Variants in TIAM2 observed in about 807,000 individuals in gnomAD.
TIAM2 encodes rho guanine nucleotide exchange factor TIAM2.
TIAM2 carries 80 observed loss-of-function variants against 152.9 expected under a neutral mutation model. The ratio of observed to expected loss-of-function variants is 0.52; its 90% CI spans 0.44 to 0.63. The LOEUF is 0.63. Among genes scored for constraint, TIAM2 ranks in the 30% least tolerant of loss-of-function variants. The pLI is 0.00. For synonymous variants in TIAM2, 804 were observed against 838.0 expected, an observed-to-expected ratio of 0.96 and a Z score of 0.70; for missense variants, 1,965 against 2,120.1, an observed-to-expected ratio of 0.93 and a Z score of 1.44.
intron 26 of TIAM2, chr6:155,254,782 T>G: frequency 1.8e-6 from 1 of 560,398 alleles, no homozygotes. Flanking sequence ...CTTGTCTTCC[T>G]ACCCGCTGAC....
chr6:155,132,145 T>A (rs1200194924), intron 4 of TIAM2, among the ~76,000 whole-genome samples: 1 of 150,558 alleles, frequency 6.6e-6, no homozygotes, highest in African/African-American at 2.5e-5. Flanking sequence ...TTATTTGTTT[T>A]TATTTTTGAT....
At chr6:155,231,945 G>A (rs1408044924) in intron 15 of TIAM2, among the ~76,000 whole-genome samples, 1 of 152,182 alleles carries the variant, frequency 6.6e-6, no homozygotes, top group Non-Finnish European at 1.5e-5. Context: ...GCCAGGCTTG[G>A]TGGCACGCAC....
intron 1 of TIAM2, among the ~76,000 whole-genome samples, chr6:155,048,566 AG>A (rs1450307681): frequency 4.3e-5 from 2 of 46,512 alleles, no homozygotes; most frequent in Non-Finnish European, 7.3e-5. Context: ...AATGGGGGTC[AG>A]GGGTGTCCTG....
rs972383885 is a variant in TIAM2, at chr6:155,165,380, G to C, written c.2332G>C (p.Gly778Arg). The C allele has an allele frequency of 1.9e-6, 3 of 1,613,840 alleles. No individual in the cohort carries two copies. The East Asian group carries it at 6.7e-5, about 36-fold the overall frequency. Residue 778 changes from glycine (G) to arginine (R), a missense_variant, in exon 9 of 27, where the codon GGC (glycine) becomes CGC (arginine). By Grantham distance (125) the Gly-to-Arg change is moderately radical. Transcript: ENST00000682666. ...AGGGCTGGACACACTGGCCAGAAAA[G>C]GCAAGGAGAAGAGACCTTCTATAAC... ...LKGLDTLARKGKEKRPSITQV... is the reference protein window; with the variant it reads ...LKGLDTLARKRKEKRPSITQV...
intron 1 of TIAM2, among the ~76,000 whole-genome samples, chr6:155,076,160 A>G (rs1393652656): frequency 6.6e-6 from 1 of 152,096 alleles, no homozygotes; most frequent in Non-Finnish European, 1.5e-5. Flanking sequence ...ATCCTTCATA[A>G]TAATTGGGTT....
At chr6:155,083,363 A>G (rs1456925253) in intron 1 of TIAM2, among the ~76,000 whole-genome samples, 1 of 150,764 alleles carries the variant, frequency 6.6e-6, no homozygotes, top group African/African-American at 2.4e-5. Context: ...AAAAAAAAAA[A>G]AAAAAGAGAG....
intron 1 of TIAM2, among the ~76,000 whole-genome samples, chr6:155,069,731 T>C (rs1346927116): frequency 6.6e-6 from 1 of 152,130 alleles, no homozygotes; most frequent in Non-Finnish European, 1.5e-5. Flanking sequence ...ATTCAGATGA[T>C]TTGCTTTGTC....
At chr6:155,242,968 C>T (rs949010313) in intron 16 of TIAM2, among the ~76,000 whole-genome samples, 3 of 151,424 alleles carry the variant, frequency 2.0e-5, no homozygotes, top group Non-Finnish European at 2.9e-5. Context: ...GTCTTGAACT[C>T]CTGACCTCAG....
At chr6:155,168,563 G>T (rs969818448) in intron 9 of TIAM2, among the ~76,000 whole-genome samples, 6 of 151,888 alleles carry the variant, frequency 4.0e-5, no homozygotes, top group Non-Finnish European at 7.4e-5. Context: ...CACTCTTTTG[G>T]CCAGGCTGGT....
chr6:155,246,082 T>C (rs1222242725), intron 19 of TIAM2, among the ~76,000 whole-genome samples: 4 of 151,620 alleles, frequency 2.6e-5, no homozygotes, highest in Non-Finnish European at 4.4e-5. Context: ...TTTTTTTTTT[T>C]CCTTGTTAAT....
intron 1 of TIAM2, among the ~76,000 whole-genome samples, chr6:155,069,993 A>G (rs1777801039): frequency 6.7e-6 from 1 of 149,032 alleles, no homozygotes; most frequent in South Asian, 2.1e-4. Context: ...GCTCACTGCA[A>G]TGTCTGGCAG....
At chr6:155,107,602 C>A (rs1464623621) in intron 2 of TIAM2, among the ~76,000 whole-genome samples, 1 of 152,138 alleles carries the variant, frequency 6.6e-6, no homozygotes, top group Non-Finnish European at 1.5e-5. Flanking sequence ...GTTATTATAT[C>A]ATCTCATCAG....
intron 1 of TIAM2, among the ~76,000 whole-genome samples, chr6:155,028,750 A>G (rs191098563): frequency 4.1e-5 from 5 of 122,624 alleles, no homozygotes; most frequent in African/African-American, 1.9e-4. Context: ...TATATACTAC[A>G]TATAATATAT....
chr6:155,186,590 G>C lies in TIAM2; in HGVS notation c.3064+3090G>C, dbSNP rs1023967262. ...TTTCTCCCCTGCCCCTGTGGTCCCTGTGAGTTTGGGGGAGTTCCTGTCTGT... is the reference window on the plus strand; with the variant it reads ...TTTCTCCCCTGCCCCTGTGGTCCCTCTGAGTTTGGGGGAGTTCCTGTCTGT... On this transcript the variant is annotated intron_variant, in intron 14 of 26. Coordinates refer to ENST00000682666, the MANE Select transcript of TIAM2 (RefSeq NM_012454.4). This position sits in a 1 kb window ranked among gnomAD's most constrained non-coding sequence, Gnocchi z 4.5. Among the ~76,000 whole-genome samples, 6 of 152,158 alleles carry C rather than the reference G, an allele frequency of 3.9e-5. No homozygotes were observed. Among genetic ancestry groups the C allele is most frequent in the African/African-American group, 1.4e-4 (6 of 41,430 alleles).
rs899054868 is a variant in TIAM2, at chr6:155,137,035, G to A, written c.1195-142G>A. On this transcript the variant is annotated intron_variant, in intron 4 of 26. Transcript: ENST00000682666. ...TTCTTTCTGGTATGAAGACTTGATG[G>A]TTAAAGATGTATTTTTGTTACAAGA... The A allele has an allele frequency of 5.7e-6, 5 of 884,716 alleles. No homozygotes were observed. In the African/African-American group the frequency reaches 8.5e-5, roughly 15 times the overall value. The allele number at this position is 884,716 out of a possible 1,614,324, so 54.8% of individuals were successfully genotyped here. A position where few individuals can be genotyped will look rare whatever the true frequency, so the allele number is the denominator to read the frequency against.
intron 1 of TIAM2, among the ~76,000 whole-genome samples, chr6:155,014,178 CTGTT>C (rs1464999473): frequency 3.9e-5 from 6 of 152,072 alleles, no homozygotes; most frequent in East Asian, 1.9e-4. Context: ...TTTTAATTAA[CTGTT>C]TGTCCTTGAA....
At chr6:155,168,237 T>C (rs1027290133) in intron 9 of TIAM2, among the ~76,000 whole-genome samples, 6 of 152,214 alleles carry the variant, frequency 3.9e-5, no homozygotes, top group African/African-American at 1.4e-4. Flanking sequence ...TATATTTTCT[T>C]CCAAGATTTA....
chr6:155,124,367 G>C (rs893349341), intron 2 of TIAM2, among the ~76,000 whole-genome samples: 2 of 150,988 alleles, frequency 1.3e-5, no homozygotes, highest in African/African-American at 2.4e-5. Flanking sequence ...TTTCGCTCTT[G>C]TTGCCCAGGC....
chr6:155,137,712 A>T (rs1779588717), intron 5 of TIAM2, 100 bp downstream of exon 5: 2 of 1,342,204 alleles, frequency 1.5e-6, no homozygotes, highest in Non-Finnish European at 2.0e-6. Context: ...TTGAGTTCAC[A>T]TGAGGGGTTT....
Sources: gnomAD v4.1 joint callset for allele counts (sites outside exome capture counted in the v4.1 genomes callset) on GRCh38, gnomAD v4.1.1 for gene constraint, Gnocchi (gnomAD v3.1) non-coding constraint, MANE v1.5 for transcripts, NCBI Gene and HGNC (gene_info 2026-07-23, HGNC 2026-07-21) for gene names.